Variants in CYP3A7 observed in about 807,000 individuals in gnomAD.
CYP3A7 encodes cytochrome P450 3A7.
A neutral mutation model predicts 55.2 loss-of-function variants in CYP3A7; 45 were observed. That is an observed-to-expected ratio of 0.82 (90% CI 0.64 to 1.05). The LOEUF is 1.05. CYP3A7 is among the 50% of genes least tolerant of loss of function. The pLI is 0.00. For missense variants in CYP3A7, 548 were observed against 605.3 expected (o/e 0.91, Z 0.99); for synonymous variants, 180 against 207.4 (o/e 0.87, Z 1.13).
chr7:99,716,043 C>G, intron 6 of CYP3A7, 137 bp from the exon 7 acceptor site: 1 of 1,538,436 alleles, frequency 6.5e-7, no homozygotes, highest in Non-Finnish European at 8.9e-7. Context: ...ACTGGAGCAT[C>G]TCCCATCACA....
rs765898754 is a variant in CYP3A7 at position 99,715,791 on chromosome 7, A to G, written c.637T>C (p.Phe213Leu). The change falls in exon 7 of 13, where the codon TTT (phenylalanine) becomes CTT (leucine). Residue 213 changes from phenylalanine (F) to leucine (L), a missense_variant. By Grantham distance (22) the Phe-to-Leu change is conservative. Coordinates refer to ENST00000336374, the MANE Select transcript of CYP3A7 (RefSeq NM_000765.5). ...AGAACGAATGGATCTAATGGATTAA[A>G]TCTTAAAAGCTTCTTGGTGTTTTCC... is the stretch of plus-strand genomic sequence containing the variant. ...FVENTKKLLRFNPLDPFVLSI... is the reference protein window; with the variant it reads ...FVENTKKLLRLNPLDPFVLSI... 3 of 1,613,870 alleles carry G rather than the reference A, an allele frequency of 1.9e-6. No individual in the cohort carries two copies. The highest frequency in any genetic ancestry group is 1.7e-6 in the Non-Finnish European group (2 of 1,179,796).
In CYP3A7 at chr7:99,708,072, C is replaced by T. The variant is rs1813590655; in HGVS notation, c.1254-98G>A. The T allele has an allele frequency of 2.6e-6, 4 of 1,545,170 alleles. No individual in the cohort carries two copies. The African/African-American group carries it at 4.1e-5, about 16-fold the overall frequency. On this transcript the variant is annotated intron_variant, in intron 11 of 12. Coordinates refer to ENST00000336374, the MANE Select transcript of CYP3A7 (RefSeq NM_000765.5). ...TACTTAGGGCCCACCCCTCTACTAGCAGTACACAGGATACTTTTGTGGGCT... is the reference window on the plus strand; with the variant it reads ...TACTTAGGGCCCACCCCTCTACTAGTAGTACACAGGATACTTTTGTGGGCT...
At chr7:99,712,540 A>G (rs1378854872) in intron 9 of CYP3A7, among the ~76,000 whole-genome samples, 3 of 152,236 alleles carry the variant, frequency 2.0e-5, no homozygotes, top group Non-Finnish European at 4.4e-5. Context: ...TCTAGATGAA[A>G]CACTAAAACA....
chr7:99,719,016 G>A (rs921411453), intron 4 of CYP3A7, among the ~76,000 whole-genome samples: 1 of 152,150 alleles, frequency 6.6e-6, no homozygotes, highest in African/African-American at 2.4e-5. Context: ...CTAAGGAAAT[G>A]GAGAGGCATA....
chr7:99,707,837 G>A lies in CYP3A7; in HGVS notation c.1391C>T (p.Ser464Phe), dbSNP rs369746752. 2 of 1,613,960 alleles carry A rather than the reference G, an allele frequency of 1.2e-6. No individual in the cohort carries two copies. Among genetic ancestry groups the A allele is most frequent in the Non-Finnish European group, 8.5e-7 (1 of 1,179,886 alleles). The change falls in exon 12 of 13, where the codon TCC becomes TTC. Residue 464 changes from serine to phenylalanine, a missense_variant. Transcript: ENST00000336374. ...CTGTGTTTCTTTACAAGGTTTGAAG[G>A]AGAAGTTCTGAAGGACTCTGACTAG... ...LALVRVLQNF[S>F]FKPCKETQIP...
At chr7:99,721,742 C>CGT (rs45490295) in intron 3 of CYP3A7, among the ~76,000 whole-genome samples, 30,293 of 151,326 alleles carry the variant, frequency 0.2, 4,516 homozygotes, top group African/African-American at 0.41. Context: ...AATTATGACA[C>CGT]GTGTGTGTGT....
Position 99,705,452 on chromosome 7 carries a change from T to C in CYP3A7, c.*48A>G. 1 of 1,597,194 alleles carries C rather than the reference T, an allele frequency of 6.3e-7. No homozygotes were observed. The highest frequency in any genetic ancestry group is 1.1e-5 in the South Asian group (1 of 90,744). On this transcript the variant is annotated 3_prime_UTR_variant, in exon 13 of 13. Transcript: ENST00000336374. ...TAAAGTAATTTGAGGTCTCTGGTGT[T>C]CTGGGGCACAGCTTTCTTAAAGAGC...
chr7:99,731,956 C>T (rs1247852675), intron 1 of CYP3A7, among the ~76,000 whole-genome samples: 4 of 152,182 alleles, frequency 2.6e-5, no homozygotes, highest in African/African-American at 9.7e-5. Context: ...GACATTCCTC[C>T]TCTTGTGGAA....
chr7:99,714,113 A>G (rs553593844), intron 8 of CYP3A7, among the ~76,000 whole-genome samples: 9 of 152,326 alleles, frequency 5.9e-5, no homozygotes, highest in African/African-American at 2.2e-4. Context: ...ACTACACTTC[A>G]GCAGGTGGCC....
intron 6 of CYP3A7, 89 bp from the exon 7 acceptor site, chr7:99,715,995 C>G: frequency 6.2e-7 from 1 of 1,609,062 alleles, no homozygotes; most frequent in Non-Finnish European, 8.5e-7. Context: ...CATGTCCAGT[C>G]AAGACAGACA....
At chr7:99,734,356 G>T (rs1814745128) in intron 1 of CYP3A7, among the ~76,000 whole-genome samples, 1 of 152,140 alleles carries the variant, frequency 6.6e-6, no homozygotes, top group Admixed American at 6.5e-5. Context: ...GATCTCACTG[G>T]TGAGAAGATT....
intron 10 of CYP3A7, 48 bp from the exon 11 acceptor site, chr7:99,709,309 C>A (rs1157249496): frequency 6.3e-7 from 1 of 1,589,786 alleles, no homozygotes; most frequent in Non-Finnish European, 8.6e-7. Context: ...TTTGAATTAA[C>A]TTTTAACTCA....
chr7:99,733,943 A>G (rs1377383517), intron 1 of CYP3A7, among the ~76,000 whole-genome samples: 5 of 152,370 alleles, frequency 3.3e-5, no homozygotes, highest in Admixed American at 1.3e-4. Flanking sequence ...ATATATTTGT[A>G]CATTAGACTC....
intron 1 of CYP3A7, among the ~76,000 whole-genome samples, chr7:99,732,401 T>C (rs1158433841): frequency 2.0e-5 from 3 of 152,156 alleles, no homozygotes; most frequent in Non-Finnish European, 4.4e-5. Context: ...TTTTTTTTTA[T>C]AGCAATGGAA....
At chr7:99,706,866 C>T (rs1194704193) in intron 12 of CYP3A7, among the ~76,000 whole-genome samples, 3 of 152,186 alleles carry the variant, frequency 2.0e-5, no homozygotes, top group Non-Finnish European at 4.4e-5. Flanking sequence ...ACTTGCAAGG[C>T]ACCACTGGGA....
chr7:99,733,572 T>TGTA (rs1395710920), intron 1 of CYP3A7, among the ~76,000 whole-genome samples: 1 of 152,226 alleles, frequency 6.6e-6, no homozygotes, highest in Non-Finnish European at 1.5e-5. Flanking sequence ...TGCCAGAATC[T>TGTA]GTAGTGACAG....
intron 1 of CYP3A7, among the ~76,000 whole-genome samples, chr7:99,734,714 C>T (rs1814763155): frequency 6.6e-6 from 1 of 151,688 alleles, no homozygotes; most frequent in Non-Finnish European, 1.5e-5. Flanking sequence ...CTCCGCCTCC[C>T]AGGTTCAAGC....
intron 4 of CYP3A7, among the ~76,000 whole-genome samples, chr7:99,718,199 C>T (rs964010898): frequency 2.0e-5 from 3 of 152,132 alleles, no homozygotes; most frequent in African/African-American, 4.8e-5. Flanking sequence ...GTACAGCACA[C>T]CAACATGGCA....
At chr7:99,714,845 G>T (rs115855794) in intron 7 of CYP3A7, among the ~76,000 whole-genome samples, 163 bp from the exon 8 acceptor site, 46 of 152,264 alleles carry the variant, frequency 3.0e-4, no homozygotes, top group African/African-American at 8.2e-4. Context: ...CAGGCCAGTG[G>T]CTGAGCAAGG....
Sources: gnomAD v4.1 joint callset for allele counts (sites outside exome capture counted in the v4.1 genomes callset) on GRCh38, gnomAD v4.1.1 for gene constraint, MANE v1.5 for transcripts, NCBI Gene and HGNC (gene_info 2026-07-23, HGNC 2026-07-21) for gene names.